Variants in RPS6KC1 observed in about 807,000 individuals in gnomAD.
RPS6KC1 encodes the protein inactive ribosomal protein S6 kinase delta-1.
RPS6KC1 carries 54 observed loss-of-function variants against 103.8 expected under a neutral mutation model. The observed-to-expected ratio is 0.52, with a 90% CI of 0.42 to 0.65. The LOEUF is 0.65. RPS6KC1 is among the 30% of genes least tolerant of loss of function. The pLI is 0.00. For missense variants in RPS6KC1, 1,151 were observed against 1,253.8 expected (o/e 0.92, Z 1.24); for synonymous variants, 439 against 438.7 (o/e 1.00, Z -0.01).
At chr1:213,400,235 G>C in the RPS6KC1 span, among the ~76,000 whole-genome samples, 1 of 152,098 alleles carries the variant, frequency 6.6e-6, no homozygotes, top group Non-Finnish European at 1.5e-5. Context: ...AAATTGCCTG[G>C]GGGTTGAAGA....
the RPS6KC1 span, among the ~76,000 whole-genome samples, chr1:213,358,694 C>T: frequency 3.3e-5 from 5 of 152,238 alleles, no homozygotes; most frequent in East Asian, 9.6e-4. Context: ...TATGTTTGCT[C>T]TTGCTTCTCT....
At chr1:213,385,314 CTAT>C in the RPS6KC1 span, among the ~76,000 whole-genome samples, 1 of 152,088 alleles carries the variant, frequency 6.6e-6, no homozygotes, top group African/African-American at 2.4e-5. Flanking sequence ...GAGGTTGGTG[CTAT>C]TATTATTCCC....
At chr1:213,571,023 C>T in the RPS6KC1 span, among the ~76,000 whole-genome samples, 1 of 152,296 alleles carries the variant, frequency 6.6e-6, no homozygotes, top group Middle Eastern at 3.4e-3. Context: ...TCTTTAAATG[C>T]GTATGTGTCT....
In RPS6KC1 at chr1:213,225,487, C is replaced by G. The variant is rs145028763; in HGVS notation, c.1045-5010C>G. ...TCACTGCAACCTCCGCCTCCTGATT[C>G]AAGTGATTCTCATGCCTCACCCTCC... On this transcript the variant is annotated intron_variant, in intron 8 of 14. Coordinates refer to ENST00000366960, the MANE Select transcript of RPS6KC1 (RefSeq NM_012424.6). Among the ~76,000 whole-genome samples, 239 of 152,116 alleles carry G rather than the reference C, an allele frequency of 1.6e-3. 1 individual carries two copies. Among genetic ancestry groups the G allele is most frequent in the African/African-American group, 5.4e-3 (225 of 41,492 alleles).
chr1:213,567,788 G>A, the RPS6KC1 span, among the ~76,000 whole-genome samples: 1 of 152,216 alleles, frequency 6.6e-6, no homozygotes, highest in Non-Finnish European at 1.5e-5. Flanking sequence ...ATGGAGTTGA[G>A]ATTCTCCCAA....
the RPS6KC1 span, among the ~76,000 whole-genome samples, chr1:213,432,584 C>G: frequency 6.6e-6 from 1 of 152,136 alleles, no homozygotes; most frequent in African/African-American, 2.4e-5. Context: ...CCATCATCCC[C>G]CAAAAGCTTC....
the RPS6KC1 span, among the ~76,000 whole-genome samples, chr1:213,790,610 G>A: frequency 6.6e-6 from 1 of 152,126 alleles, no homozygotes; most frequent in Non-Finnish European, 1.5e-5. Context: ...GGAAGAGAAA[G>A]AGAGAGAAAA....
intron 8 of RPS6KC1, among the ~76,000 whole-genome samples, chr1:213,203,128 A>G (rs575240572): frequency 8.5e-5 from 13 of 152,268 alleles, no homozygotes; most frequent in African/African-American, 2.9e-4. Flanking sequence ...AGTTTCCTTT[A>G]TCTGAGATGC....
At chr1:213,314,523 TA>T in the RPS6KC1 span, among the ~76,000 whole-genome samples, 1 of 152,194 alleles carries the variant, frequency 6.6e-6, no homozygotes, top group Non-Finnish European at 1.5e-5. Flanking sequence ...TCAAATGCAT[TA>T]GAGAAACACT....
At chr1:213,728,510 G>A in the RPS6KC1 span, among the ~76,000 whole-genome samples, 1 of 152,190 alleles carries the variant, frequency 6.6e-6, no homozygotes, top group Non-Finnish European at 1.5e-5. Context: ...AGCCCTACCC[G>A]CTACAGGATC....
chr1:213,582,502 T>A, the RPS6KC1 span, among the ~76,000 whole-genome samples: 1 of 152,200 alleles, frequency 6.6e-6, no homozygotes, highest in Non-Finnish European at 1.5e-5. Context: ...GAATATGTCC[T>A]TAAAAGACCA....
rs1367374869 is a variant in RPS6KC1, at chr1:213,167,858, G to A, written c.836G>A (p.Gly279Glu). Residue 279 changes from glycine (G) to glutamate (E), a missense_variant and splice_region_variant, in exon 7 of 15, where the codon GGA (glycine) becomes GAA (glutamate). This residue lies in a region of RPS6KC1 where 959 missense variants were observed against 1,006.3 expected (regional missense o/e 0.95). Transcript: ENST00000366960. ...TACATGTCCAGACTTTTTTTTTTAG[G>A]AGAGTCAAGCCCTACCCGTCGAGAA... ...GVDLLLEGVQ[G>E]ESSPTRREAV... 23 of 1,586,094 alleles carry A rather than the reference G, an allele frequency of 1.5e-5. No individual in the cohort carries two copies. Among genetic ancestry groups the A allele is most frequent in the Middle Eastern group, 1.7e-4 (1 of 5,930 alleles).
the RPS6KC1 span, among the ~76,000 whole-genome samples, chr1:213,666,066 T>G: frequency 2.7e-3 from 406 of 152,276 alleles, 2 homozygotes; most frequent in African/African-American, 9.4e-3. Context: ...CATGACCCCC[T>G]CTCGGCAGTG....
At chr1:213,727,248 A>G in the RPS6KC1 span, among the ~76,000 whole-genome samples, 1 of 152,204 alleles carries the variant, frequency 6.6e-6, no homozygotes, top group African/African-American at 2.4e-5. Flanking sequence ...AGAATTACCT[A>G]TGGCCATAGC....
intron 1 of RPS6KC1, among the ~76,000 whole-genome samples, chr1:213,066,145 A>G (rs2078311757): frequency 6.6e-6 from 1 of 152,260 alleles, no homozygotes; most frequent in South Asian, 2.1e-4. Flanking sequence ...TGCCTTGAAC[A>G]GTATTAGCAC....
the RPS6KC1 span, among the ~76,000 whole-genome samples, chr1:213,500,228 T>C: frequency 2.0e-5 from 3 of 152,182 alleles, no homozygotes; most frequent in African/African-American, 7.2e-5. Context: ...CTTTTTAAAC[T>C]TTTTTATTAA....
intron 8 of RPS6KC1, among the ~76,000 whole-genome samples, chr1:213,193,460 CCA>C (rs770855456): frequency 1.3e-5 from 2 of 151,588 alleles, no homozygotes; most frequent in Admixed American, 6.6e-5. Context: ...TGAGGTTTTA[CCA>C]CATTGGTCAG....
chr1:213,232,234 C>T lies in RPS6KC1; in HGVS notation c.1204C>T (p.Leu402Phe), dbSNP rs1344616472. The T allele has an allele frequency of 6.2e-7, 1 of 1,613,842 alleles. No individual in the cohort carries two copies. The highest frequency in any genetic ancestry group is 8.5e-7 in the Non-Finnish European group (1 of 1,179,886). The change falls in exon 10 of 15, where the codon CTT becomes TTT. Residue 402 changes from leucine to phenylalanine, a missense_variant. Physicochemically the swap from Leu to Phe is conservative, Grantham distance 22. Transcript: ENST00000366960. Reference sequence around the variant, plus strand: ...CATCATCTCTGAGGAGTCAGTATTTCTTGTGCTGCAGCATGCGGAAGGTTG... The same window carrying T: ...CATCATCTCTGAGGAGTCAGTATTTTTTGTGCTGCAGCATGCGGAAGGTTG... ...KYIISEESVFLVLQHAEGGKL... is the reference protein window; with the variant it reads ...KYIISEESVFFVLQHAEGGKL...
the RPS6KC1 span, among the ~76,000 whole-genome samples, chr1:213,331,813 G>A: frequency 1.3e-5 from 2 of 152,140 alleles, no homozygotes; most frequent in Non-Finnish European, 2.9e-5. Flanking sequence ...GACTCCTGAG[G>A]AACTTGTCCC....
Sources: gnomAD v4.1 joint callset for allele counts (sites outside exome capture counted in the v4.1 genomes callset) on GRCh38, gnomAD v4.1.1 for gene constraint, gnomAD v4.1.1 regional missense constraint, MANE v1.5 for transcripts, NCBI Gene and HGNC (gene_info 2026-07-23, HGNC 2026-07-21) for gene names.